The following ELMO1 variants were observed in gnomAD, a reference collection of about 807,000 sequenced individuals.
ELMO1 encodes engulfment and cell motility protein 1.
Under a neutral mutation model 98.9 loss-of-function variants are expected in ELMO1, and 26 were observed. That is an observed-to-expected ratio of 0.26 (90% CI 0.19 to 0.36). The LOEUF (loss-of-function observed/expected upper bound fraction) is 0.36, where lower values mean the gene tolerates loss of function less well. Among genes scored for constraint, ELMO1 ranks in the 10% least tolerant of loss-of-function variants. The pLI, the probability that ELMO1 is intolerant of heterozygous loss-of-function variation, is 1.00. For missense variants in ELMO1, 627 were observed against 935.2 expected, an observed-to-expected ratio of 0.67 and a Z score of 4.30; for synonymous variants, 346 against 346.0, an observed-to-expected ratio of 1.00 and a Z score of 0.00.
intron 13 of ELMO1, among the ~76,000 whole-genome samples, chr7:37,133,705 T>C (rs190683006): frequency 6.6e-6 from 1 of 152,228 alleles, no homozygotes; most frequent in Admixed American, 6.5e-5. Context: ...GCCCCATACA[T>C]TGATGGGCTT....
intron 1 of ELMO1, among the ~76,000 whole-genome samples, chr7:37,429,099 C>A (rs978073951): frequency 1.3e-5 from 2 of 152,110 alleles, no homozygotes; most frequent in African/African-American, 4.8e-5. Flanking sequence ...AGAGGAAAAG[C>A]CAAGTGATAT....
At chr7:37,440,148 T>C (rs1805340908) in intron 1 of ELMO1, among the ~76,000 whole-genome samples, 2 of 152,042 alleles carry the variant, frequency 1.3e-5, no homozygotes, top group South Asian at 2.1e-4. Context: ...AAGTCCACTA[T>C]AAAAAAATCT....
At chr7:37,224,302 CT>C (rs1793751770) in intron 9 of ELMO1, among the ~76,000 whole-genome samples, 1 of 152,154 alleles carries the variant, frequency 6.6e-6, no homozygotes, top group Admixed American at 6.5e-5. Context: ...GGAAAAATGC[CT>C]CAAAGACTGC....
intron 15 of ELMO1, among the ~76,000 whole-genome samples, chr7:37,030,494 C>T (rs1401109486): frequency 1.3e-5 from 2 of 151,998 alleles, no homozygotes; most frequent in Non-Finnish European, 2.9e-5. Context: ...GTTAATATAA[C>T]GTACAATAAG....
At chr7:37,184,813 C>T (rs1791099228) in intron 13 of ELMO1, among the ~76,000 whole-genome samples, 1 of 151,914 alleles carries the variant, frequency 6.6e-6, no homozygotes, top group African/African-American at 2.4e-5. Flanking sequence ...GTGGGAGGAT[C>T]ACTTGACCCC....
chr7:37,222,515 A>G (rs1487647402), intron 10 of ELMO1, 100 bp downstream of exon 10: 4 of 1,154,922 alleles, frequency 3.5e-6, no homozygotes, highest in Non-Finnish European at 5.1e-6. Context: ...CCAGGATAGC[A>G]GAGAGGCCCA....
At chr7:36,998,484 ATG>A (rs1178026833) in intron 16 of ELMO1, among the ~76,000 whole-genome samples, 2 of 152,246 alleles carry the variant, frequency 1.3e-5, no homozygotes, top group East Asian at 1.9e-4. Flanking sequence ...CGTATATTCA[ATG>A]TGCCATTTGT....
chr7:36,971,582 C>CATCTGATCAT (rs1789958195), intron 16 of ELMO1, among the ~76,000 whole-genome samples: 2 of 152,188 alleles, frequency 1.3e-5, no homozygotes, highest in Non-Finnish European at 2.9e-5. Flanking sequence ...CATCCAGATT[C>CATCTGATCAT]CACTGATTCA....
intron 14 of ELMO1, among the ~76,000 whole-genome samples, chr7:37,123,518 A>G (rs1053021805): frequency 2.6e-5 from 4 of 152,218 alleles, no homozygotes; most frequent in African/African-American, 9.6e-5. Context: ...CCTCTACATA[A>G]ATAAACTAGA....
chr7:36,951,510 G>A (rs1787965367), intron 16 of ELMO1, among the ~76,000 whole-genome samples: 1 of 152,098 alleles, frequency 6.6e-6, no homozygotes, highest in Non-Finnish European at 1.5e-5. Flanking sequence ...CTCAATCTAG[G>A]GTGGCCACTG....
chr7:37,163,045 T>C (rs1375269452), intron 13 of ELMO1, among the ~76,000 whole-genome samples: 1 of 152,214 alleles, frequency 6.6e-6, no homozygotes, highest in African/African-American at 2.4e-5. Flanking sequence ...TATTTTCAAG[T>C]TTTAAATAAT....
intron 4 of ELMO1, among the ~76,000 whole-genome samples, chr7:37,282,717 C>G (rs777952635): frequency 6.6e-6 from 1 of 152,242 alleles, no homozygotes; most frequent in Non-Finnish European, 1.5e-5. Flanking sequence ...TTCCCCATAA[C>G]TGAGGCTCTA....
In ELMO1 at chr7:37,433,239, G is replaced by A. The variant is rs189795283; in HGVS notation, c.-74+15436C>T. On this transcript the variant is annotated intron_variant, in intron 1 of 21. Transcript: ENST00000310758. The stretch of plus-strand genomic sequence containing the variant: ...AAAGGACACAGTGCTCACATACATG[G>A]AAAATAGTGCTTCTGTCTGCAGACA... 5.8e-4 allele frequency among the ~76,000 whole-genome samples: 88 copies of A among 152,326 alleles called. No homozygotes were observed. The East Asian group carries it at 0.015, about 26-fold the overall frequency.
At chr7:37,323,553 T>C (rs552439451) in intron 2 of ELMO1, among the ~76,000 whole-genome samples, 8 of 152,134 alleles carry the variant, frequency 5.3e-5, no homozygotes, top group East Asian at 1.9e-4. Flanking sequence ...ATTAGCTGGG[T>C]GTGGCAGGCG....
chr7:37,157,763 T>G (rs374123833), intron 13 of ELMO1, among the ~76,000 whole-genome samples: 1 of 151,948 alleles, frequency 6.6e-6, no homozygotes, highest in East Asian at 1.9e-4. Context: ...CCATCCCCAT[T>G]AAGCTACCAA....
intron 7 of ELMO1, among the ~76,000 whole-genome samples, chr7:37,235,613 G>A (rs1191339567): frequency 3.3e-5 from 5 of 152,220 alleles, no homozygotes. Flanking sequence ...GGAACAGGCA[G>A]TGGCAGAGAA....
intron 1 of ELMO1, among the ~76,000 whole-genome samples, chr7:37,380,672 TAC>T (rs1461030762): frequency 6.6e-6 from 1 of 152,206 alleles, no homozygotes; most frequent in African/African-American, 2.4e-5. Flanking sequence ...TGAAGGAAAA[TAC>T]AGAGTTAGGT....
At chr7:37,106,078 T>A (rs754373906) in intron 14 of ELMO1, among the ~76,000 whole-genome samples, 12 of 152,230 alleles carry the variant, frequency 7.9e-5, no homozygotes, top group Non-Finnish European at 1.6e-4. Flanking sequence ...TAGATGATTA[T>A]CATGTGCAAA....
intron 7 of ELMO1, among the ~76,000 whole-genome samples, chr7:37,239,812 C>T (rs568107555): frequency 6.6e-6 from 1 of 152,198 alleles, no homozygotes; most frequent in Non-Finnish European, 1.5e-5. Context: ...GCTCTGGTAT[C>T]CCCACCATGT....
Sources: allele counts gnomAD v4.1 joint callset (sites outside exome capture counted in the v4.1 genomes callset), GRCh38; gene constraint gnomAD v4.1.1; transcripts MANE v1.5; gene names NCBI Gene and HGNC (gene_info 2026-07-23, HGNC 2026-07-21).